Variants in ZNF19 observed in about 807,000 individuals in gnomAD.
ZNF19 encodes zinc finger protein 19 (KOX 12).
Under a neutral mutation model 13.1 loss-of-function variants are expected in ZNF19, and 11 were observed. The observed-to-expected ratio is 0.84, with a 90% CI of 0.53 to 1.39. ZNF19 has a LOEUF of 1.39. Ranked by LOEUF, ZNF19 falls within the 40% of genes most tolerant of loss-of-function variation. ZNF19 has a pLI of 0.00. For missense variants in ZNF19, 560 were observed against 547.0 expected (o/e 1.02, Z -0.24); for synonymous variants, 186 against 187.0 (o/e 0.99, Z 0.04).
At chr16:71,484,932 G>A (rs1316096243) in intron 1 of ZNF19, among the ~76,000 whole-genome samples, 184 bp from the exon 2 acceptor site, 2 of 152,014 alleles carry the variant, frequency 1.3e-5, no homozygotes, top group Non-Finnish European at 2.9e-5. Flanking sequence ...GGCTATTCTC[G>A]TCACTAATTT....
rs144757223 is a variant in ZNF19, at chr16:71,475,330, A to T, written c.1217T>A (p.Ile406Asn). 1.4e-5 allele frequency: 22 copies of T among 1,614,008 alleles called. No homozygotes were observed. The highest frequency in any genetic ancestry group is 1.8e-5 in the Non-Finnish European group (21 of 1,180,024). ...SKRNLHQHQR[I>N]HTGEKPYECS... ...CTCATAGGGTTTCTCTCCAGTATGG[A>T]TTCTTTGATGCTGATGAAGATTTCT... The change falls in exon 6 of 6, where the codon ATC becomes AAC. Residue 406 changes from isoleucine (I) to asparagine (N), a missense_variant. Transcript: ENST00000288177.
chr16:71,475,624 T>C lies in ZNF19; in HGVS notation c.923A>G (p.Lys308Arg), dbSNP rs1292435074. The change falls in exon 6 of 6, where the codon AAA (lysine) becomes AGA (arginine). Residue 308 changes from lysine to arginine, a missense_variant. Physicochemically the swap from Lys to Arg is conservative, Grantham distance 26. Coordinates refer to ENST00000288177, the MANE Select transcript of ZNF19 (RefSeq NM_006961.4). ...TAGATGGGAAGTCCTTCCAAAGCTTTTGCCACACTCATTACACTCATAGGG... is the reference window on the plus strand; with the variant it reads ...TAGATGGGAAGTCCTTCCAAAGCTTCTGCCACACTCATTACACTCATAGGG... ...EKPYECNECG[K>R]SFGRTSHLSQ... 2 of 1,614,164 alleles carry C rather than the reference T, an allele frequency of 1.2e-6. No homozygotes were observed. The highest frequency in any genetic ancestry group is 8.5e-7 in the Non-Finnish European group (1 of 1,180,042).
chr16:71,482,282 T>C (rs2043642071), intron 2 of ZNF19, 139 bp from the exon 3 acceptor site: 1 of 697,780 alleles, frequency 1.4e-6, no homozygotes, highest in Non-Finnish European at 2.5e-6. Flanking sequence ...TATGTACTTT[T>C]TAATCCACAT....
intron 3 of ZNF19, among the ~76,000 whole-genome samples, chr16:71,480,684 G>A (rs1039825454): frequency 2.0e-5 from 3 of 152,160 alleles, no homozygotes; most frequent in Non-Finnish European, 4.4e-5. Context: ...CTGACAACCT[G>A]ACTTCATCAA....
At position 71,476,102 on chromosome 16, in the gene ZNF19, C is replaced by T; in HGVS notation, c.445G>A (p.Gly149Arg). 1 of 1,614,140 alleles carries T rather than the reference C, an allele frequency of 6.2e-7. No homozygotes were observed. ...QDIPTVKNIQ[G>R]KVPRIPCARK... The stretch of plus-strand genomic sequence containing the variant: ...GCACAGGGGATTCTTGGAACCTTTC[C>T]TTGGATATTTTTCACTGTGGGGATG... Residue 149 changes from glycine (G) to arginine (R), a missense_variant, in exon 6 of 6, where the codon GGA (glycine) becomes AGA (arginine). Physicochemically the swap from Gly to Arg is moderately radical, Grantham distance 125. Coordinates refer to ENST00000288177, the MANE Select transcript of ZNF19 (RefSeq NM_006961.4).
intron 3 of ZNF19, 195 bp from the exon 4 acceptor site, chr16:71,479,200 G>A: frequency 1.6e-6 from 1 of 626,870 alleles, no homozygotes; most frequent in South Asian, 2.0e-5. Flanking sequence ...CTCACTACCA[G>A]AAGAGATTCC....
At position 71,476,274 on chromosome 16, in the gene ZNF19, T is replaced by C; in HGVS notation, c.275-2A>G. 6.2e-7 allele frequency: 1 copy of C among 1,604,794 alleles called. No individual in the cohort carries two copies. Among genetic ancestry groups the C allele is most frequent in the East Asian group, 2.2e-5 (1 of 44,766 alleles). On this transcript the variant is annotated splice_acceptor_variant, in intron 5 of 5. Transcript: ENST00000288177. LOFTEE classifies it high-confidence loss of function. ...CACTGTCAATGTTGGTCTCAACATC[T>C]GACATAAGAGATAGAAAACACAAAT...
chr16:71,488,691 C>T (rs1031393954), intron 1 of ZNF19, among the ~76,000 whole-genome samples: 1 of 152,080 alleles, frequency 6.6e-6, no homozygotes, highest in African/African-American at 2.4e-5. Flanking sequence ...CCCAGCTACT[C>T]GGGAGGCTGA....
chr16:71,479,095 A>C (rs1341711986), intron 3 of ZNF19, 90 bp from the exon 4 acceptor site: 5 of 1,574,274 alleles, frequency 3.2e-6, no homozygotes, highest in African/African-American at 2.7e-5. Flanking sequence ...GACTTGAGGG[A>C]AAGTCCTGTG....
chr16:71,483,578 T>G (rs1197789740), intron 2 of ZNF19, among the ~76,000 whole-genome samples: 2 of 152,132 alleles, frequency 1.3e-5, no homozygotes, highest in African/African-American at 4.8e-5. Context: ...CGCCATTCTC[T>G]CCAGTAATCT....
chr16:71,478,268 C>CTG lies in ZNF19; in HGVS notation c.232_233dup (p.Gln78HisfsTer27). ...TGGTCCTCTCTGCTGGGGGATCATC[C>CTG]TGTGCTTCCAGGCCCCAAGCCATGT... On this transcript the variant is annotated frameshift_variant, in exon 5 of 6. Coordinates refer to ENST00000288177, the MANE Select transcript of ZNF19 (RefSeq NM_006961.4). LOFTEE classifies it low-confidence loss of function (END_TRUNC). 6.2e-7 allele frequency: 1 copy of CTG among 1,614,114 alleles called. No homozygotes were observed. The highest frequency in any genetic ancestry group is 8.5e-7 in the Non-Finnish European group (1 of 1,180,024).
In ZNF19 at chr16:71,476,119, G is replaced by A. The variant is rs1183332887; in HGVS notation, c.428C>T (p.Thr143Ile). ...RNVEKHQDIP[T>I]VKNIQGKVPR... Reference sequence around the variant, plus strand: ...AACCTTTCCTTGGATATTTTTCACTGTGGGGATGTCCTGGTGCTTTTCCAC... The same window carrying A: ...AACCTTTCCTTGGATATTTTTCACTATGGGGATGTCCTGGTGCTTTTCCAC... Residue 143 changes from threonine (T) to isoleucine (I), a missense_variant, in exon 6 of 6, where the codon ACA (threonine) becomes ATA (isoleucine). Thr to Ile is a moderately conservative substitution (Grantham distance 89, BLOSUM62 -1). Coordinates refer to ENST00000288177, the MANE Select transcript of ZNF19 (RefSeq NM_006961.4). The A allele has an allele frequency of 1.2e-6, 2 of 1,614,176 alleles. No homozygotes were observed. The highest frequency in any genetic ancestry group is 1.7e-5 in the Admixed American group (1 of 60,022).
rs781184447 is a variant in ZNF19 at position 71,476,081 on chromosome 16, A to G, written c.466T>C (p.Cys156Arg). ...NIQGKVPRIP[C>R]ARKPFICEEC... ...TCACATATGAAAGGTTTCCTTGCAC[A>G]GGGGATTCTTGGAACCTTTCCTTGG... Residue 156 changes from cysteine (C) to arginine (R), a missense_variant, in exon 6 of 6, where the codon TGT becomes CGT. Physicochemically the swap from Cys to Arg is radical, Grantham distance 180. Transcript: ENST00000288177. The G allele has an allele frequency of 1.5e-5, 24 of 1,614,054 alleles. No individual in the cohort carries two copies. The highest frequency in any genetic ancestry group is 2.0e-5 in the Non-Finnish European group (24 of 1,180,010).
In ZNF19 at chr16:71,485,555, A is replaced by AT. The variant is rs545402974; in HGVS notation, c.-189-808dup. On this transcript the variant is annotated intron_variant, in intron 1 of 5. Transcript: ENST00000288177. Reference sequence around the variant, plus strand: ...TATTTAGGAAGTGAAAACGGTGGACATTTTTTTTTTTAATGACTGAATACA... The same window carrying AT: ...TATTTAGGAAGTGAAAACGGTGGACATTTTTTTTTTTTAATGACTGAATACA... Among the ~76,000 whole-genome samples, 279 of 146,704 alleles carry AT rather than the reference A, an allele frequency of 1.9e-3. 1 individual carries two copies. The highest frequency in any genetic ancestry group is 3.3e-3 in the African/African-American group (132 of 40,328).
At chr16:71,482,914 C>A (rs932138058) in intron 2 of ZNF19, among the ~76,000 whole-genome samples, 1 of 152,236 alleles carries the variant, frequency 6.6e-6, no homozygotes, top group South Asian at 2.1e-4. Flanking sequence ...ATTGCCCAGA[C>A]TAGTCCTCAA....
At chr16:71,486,924 G>A (rs2043682623) in intron 1 of ZNF19, among the ~76,000 whole-genome samples, 1 of 152,198 alleles carries the variant, frequency 6.6e-6, no homozygotes, top group Non-Finnish European at 1.5e-5. Context: ...TTGGCCAGAA[G>A]ATGGGAACAC....
rs1256514902 is a variant in ZNF19, at chr16:71,474,476, T to C, written c.*694A>G. 6.6e-6 allele frequency: 1 copy of C among 152,206 alleles called. No homozygotes were observed. The highest frequency in any genetic ancestry group is 2.4e-5 in the African/African-American group (1 of 41,450). 9.4% of individuals were successfully genotyped at this position (152,206 alleles called of 1,614,324 possible). Reference sequence around the variant, plus strand: ...ATAATTTTGTAGTACAATGAGATTTTTGTTACAGAGCTCAAGTTGTTAGAA... The same window carrying C: ...ATAATTTTGTAGTACAATGAGATTTCTGTTACAGAGCTCAAGTTGTTAGAA... On this transcript the variant is annotated 3_prime_UTR_variant, in exon 6 of 6. Coordinates refer to ENST00000288177, the MANE Select transcript of ZNF19 (RefSeq NM_006961.4).
intron 2 of ZNF19, among the ~76,000 whole-genome samples, chr16:71,482,940 C>T (rs2043646858): frequency 6.6e-6 from 1 of 152,226 alleles, no homozygotes; most frequent in Non-Finnish European, 1.5e-5. Flanking sequence ...TGGCCTCTAG[C>T]GATCCACCCA....
Position 71,475,193 on chromosome 16 carries a change from A to T in ZNF19, c.1354T>A (p.Phe452Ile). Reference sequence around the variant, plus strand: ...TATTACCAGTAAAAGGGGGTAAAAAATTCTGGGAGGCCAAAACGACAAATG... The same window carrying T: ...TATTACCAGTAAAAGGGGGTAAAAATTTCTGGGAGGCCAAAACGACAAATG... ...LDICRFGLPE[F>I]FTPFYW is the part of the protein sequence containing the mutation. Residue 452 changes from phenylalanine (F) to isoleucine (I), a missense_variant, in exon 6 of 6, where the codon TTT becomes ATT. Transcript: ENST00000288177. 1.2e-6 allele frequency: 2 copies of T among 1,607,184 alleles called. No homozygotes were observed. The highest frequency in any genetic ancestry group is 1.7e-6 in the Non-Finnish European group (2 of 1,176,322).
Sources: gnomAD v4.1 joint callset for allele counts (sites outside exome capture counted in the v4.1 genomes callset) on GRCh38, gnomAD v4.1.1 for gene constraint, MANE v1.5 for transcripts, NCBI Gene and HGNC (gene_info 2026-07-23, HGNC 2026-07-21) for gene names.